ARHGEF40: variants seen among roughly 807,000 people sequenced by gnomAD.
The protein encoded by ARHGEF40 is Rho guanine nucleotide exchange factor (GEF) 40.
In ARHGEF40, 98 loss-of-function variants were observed where a neutral mutation model predicts 165.9. That is an observed-to-expected ratio of 0.59 (90% CI 0.50 to 0.70). ARHGEF40 has a LOEUF of 0.70. Among genes scored for constraint, ARHGEF40 ranks in the 30% least tolerant of loss-of-function variants. The pLI is 0.00. For missense variants in ARHGEF40, 1,815 were observed against 1,968.0 expected, an observed-to-expected ratio of 0.92 and a Z score of 1.47; for synonymous variants, 792 against 814.3, an observed-to-expected ratio of 0.97 and a Z score of 0.47.
chr14:21,088,786 C>T, intron 22 of ARHGEF40, 44 bp from the exon 23 acceptor site: 3 of 1,536,648 alleles, frequency 2.0e-6, no homozygotes, highest in Non-Finnish European at 1.8e-6. Flanking sequence ...GAGAGAAAGA[C>T]AAGAAATATG....
At chr14:21,083,795 T>C in intron 16 of ARHGEF40, 40 bp from the exon 17 acceptor site, 4 of 1,571,720 alleles carry the variant, frequency 2.5e-6, no homozygotes, top group Non-Finnish European at 1.7e-6. Flanking sequence ...CCCCAGAGGC[T>C]CCACCCCTCC....
At chr14:21,084,352 C>T (rs1888175815) in intron 17 of ARHGEF40, among the ~76,000 whole-genome samples, 3 of 152,192 alleles carry the variant, frequency 2.0e-5, no homozygotes, top group Admixed American at 2.0e-4. Context: ...ACCTCAACAC[C>T]CAACACATAC....
the ARHGEF40 span, among the ~76,000 whole-genome samples, chr14:21,062,708 A>AGTGTGTGTGTGTGT: frequency 0.065 from 8,471 of 130,874 alleles, 413 homozygotes; most frequent in Admixed American, 0.12. Context: ...GGCTGGGCAC[A>AGTGTGTGTGTGTGT]GTGTGTGTGT....
In ARHGEF40 at chr14:21,089,239, T is replaced by C. The variant is rs1032047287; in HGVS notation, c.*231T>C. 1 of 210,212 alleles carries C rather than the reference T, an allele frequency of 4.8e-6. No homozygotes were observed. The highest frequency in any genetic ancestry group is 2.3e-5 in the African/African-American group (1 of 43,688). 13.0% of individuals were successfully genotyped at this position (210,212 alleles called of 1,614,324 possible). A position where few individuals can be genotyped will look rare whatever the true frequency, so the allele number is the denominator to read the frequency against. On this transcript the variant is annotated 3_prime_UTR_variant, in exon 24 of 24. Coordinates refer to ENST00000298694, the MANE Select transcript of ARHGEF40 (RefSeq NM_018071.5). ...AGAGCAGCCACATTGCTTGCCTTCA[T>C]ACCCTGGAGGTGGGGAAGTTATCCC...
the ARHGEF40 span, among the ~76,000 whole-genome samples, chr14:21,062,011 A>G: frequency 2.0e-5 from 3 of 152,270 alleles, no homozygotes; most frequent in African/African-American, 4.8e-5. Context: ...GAGTTTCATT[A>G]ACTACTTACA....
Position 21,070,450 on chromosome 14 carries a change from G to A in ARHGEF40, c.3+51G>A, listed in dbSNP as rs915022358. 27 of 1,349,888 alleles carry A rather than the reference G, an allele frequency of 2.0e-5. No homozygotes were observed. The highest frequency in any genetic ancestry group is 1.9e-4 in the Admixed American group (5 of 26,056). The allele number at this position is 1,349,888 out of a possible 1,614,324, so 83.6% of individuals were successfully genotyped here. ...GGTCCCCTCGGCCTTCGCGCAGCCCGCTCCGGGCCCCCAAGTCCTCAGCCT... is the reference window on the plus strand; with the variant it reads ...GGTCCCCTCGGCCTTCGCGCAGCCCACTCCGGGCCCCCAAGTCCTCAGCCT... On this transcript the variant is annotated intron_variant, in intron 1 of 23. Transcript: ENST00000298694. The surrounding 1 kb of genome is among the most constrained non-coding windows in gnomAD (Gnocchi z 4.7).
chr14:21,062,256 A>G, the ARHGEF40 span, among the ~76,000 whole-genome samples: 1 of 152,246 alleles, frequency 6.6e-6, no homozygotes, highest in Non-Finnish European at 1.5e-5. Context: ...TTTCATCTGT[A>G]CTGCACAGTG....
chr14:21,080,819 G>A (rs1432423060), intron 12 of ARHGEF40, 37 bp downstream of exon 12: 1 of 1,603,568 alleles, frequency 6.2e-7, no homozygotes, highest in South Asian at 1.1e-5. Context: ...GAGGAGGCAG[G>A]GGGAGACTAC....
rs1179720399 is a variant in ARHGEF40, at chr14:21,072,165, A to G, written c.4-880A>G. On this transcript the variant is annotated intron_variant, in intron 1 of 23. Coordinates refer to ENST00000298694, the MANE Select transcript of ARHGEF40 (RefSeq NM_018071.5). The surrounding 1 kb of genome is among the most constrained non-coding windows in gnomAD (Gnocchi z 4.1). The stretch of plus-strand genomic sequence containing the variant: ...TGGTTGTTTAGGTTAGGAGTTGGAG[A>G]AAGACGTCTCATTGACTCACTTAGG... Among the ~76,000 whole-genome samples the G allele has an allele frequency of 2.0e-5, 3 of 152,192 alleles. No homozygotes were observed. Among genetic ancestry groups the G allele is most frequent in the African/African-American group, 7.2e-5 (3 of 41,434 alleles).
In ARHGEF40 at chr14:21,076,808, G is replaced by T; in HGVS notation, c.1952G>T (p.Arg651Ile). The T allele has an allele frequency of 6.2e-7, 1 of 1,614,096 alleles. No individual in the cohort carries two copies. ...GTGCTGTCAGAGAATGATCTGAAAA[G>T]AGTGGCCAAGCCAGAGGAGCTGCAG... Reference protein sequence around the residue: ...AEVLSENDLKRVAKPEELQWE... With the variant: ...AEVLSENDLKIVAKPEELQWE... The change falls in exon 8 of 24, where the codon AGA becomes ATA. Residue 651 changes from arginine to isoleucine, a missense_variant. Transcript: ENST00000298694.
chr14:21,085,006 C>T (rs1888229083), intron 18 of ARHGEF40, 83 bp downstream of exon 18: 1 of 1,519,938 alleles, frequency 6.6e-7, no homozygotes, highest in Non-Finnish European at 8.9e-7. Flanking sequence ...AATTCAGCCC[C>T]AACAGAGGTT....
At position 21,072,127 on chromosome 14, in the gene ARHGEF40, A is replaced by T. The variant is rs1426428674; in HGVS notation, c.4-918A>T. Among the ~76,000 whole-genome samples the T allele has an allele frequency of 2.0e-5, 3 of 152,210 alleles. No homozygotes were observed. The highest frequency in any genetic ancestry group is 7.2e-5 in the African/African-American group (3 of 41,454). On this transcript the variant is annotated intron_variant, in intron 1 of 23. Coordinates refer to ENST00000298694, the MANE Select transcript of ARHGEF40 (RefSeq NM_018071.5). The surrounding 1 kb of genome is among the most constrained non-coding windows in gnomAD (Gnocchi z 4.1). ...TCTTGAAAAAGAAGTTTGCAAAGGA[A>T]TAGCCCAAGGGGTGGTTGTTTAGGT...
rs773371777 is a variant in ARHGEF40 at position 21,080,833 on chromosome 14, G to A, written c.2497-40G>A. The A allele has an allele frequency of 1.7e-5, 28 of 1,608,688 alleles. No individual in the cohort carries two copies. The Admixed American group carries it at 3.2e-4, about 18-fold the overall frequency. The stretch of plus-strand genomic sequence containing the variant: ...AGAGGAGGCAGGGGGAGACTACCTA[G>A]GAGTGAGGACCAGGTCTGAGCGCAG... On this transcript the variant is annotated intron_variant, in intron 12 of 23. Transcript: ENST00000298694.
At chr14:21,063,684 G>T in the ARHGEF40 span, among the ~76,000 whole-genome samples, 1 of 152,192 alleles carries the variant, frequency 6.6e-6, no homozygotes, top group Non-Finnish European at 1.5e-5. Context: ...CTGCCAATGA[G>T]AGCTGAGGCC....
intron 11 of ARHGEF40, 127 bp from the exon 12 acceptor site, chr14:21,080,533 T>G: frequency 9.5e-7 from 1 of 1,057,224 alleles, no homozygotes; most frequent in Non-Finnish European, 1.3e-6. Flanking sequence ...CATTCCCACA[T>G]TGCAGATGAG....
At chr14:21,087,657 A>AATGGTGGAAAGTCAGGAAAG in intron 21 of ARHGEF40, 194 bp downstream of exon 21, 1 of 805,776 alleles carries the variant, frequency 1.2e-6, no homozygotes. Context: ...GTTGCTAAGA[A>AATGGTGGAAAGTCAGGAAAG]GCACTTCCTC....
rs546342688 is a variant in ARHGEF40, at chr14:21,073,671, T to C, written c.202-261T>C. Among the ~76,000 whole-genome samples the C allele has an allele frequency of 6.6e-6, 1 of 152,188 alleles. No homozygotes were observed. Among genetic ancestry groups the C allele is most frequent in the Non-Finnish European group, 1.5e-5 (1 of 68,026 alleles). On this transcript the variant is annotated intron_variant, in intron 2 of 23. Transcript: ENST00000298694. This position sits in a 1 kb window ranked among gnomAD's most constrained non-coding sequence, Gnocchi z 4.6. The stretch of plus-strand genomic sequence containing the variant: ...CCAAGACAATGGCATCTGCTGACCA[T>C]GTCTTGGTAACGATTCAGTTCTTAC...
intron 18 of ARHGEF40, 148 bp downstream of exon 18, chr14:21,085,071 G>A (rs1356165481): frequency 9.8e-7 from 1 of 1,025,414 alleles, no homozygotes; most frequent in Non-Finnish European, 1.4e-6. Flanking sequence ...ATCGAGTTAG[G>A]GTGTCAGGGG....
At chr14:21,080,304 C>T (rs1392351098) in intron 11 of ARHGEF40, among the ~76,000 whole-genome samples, 1 of 151,666 alleles carries the variant, frequency 6.6e-6, no homozygotes, top group East Asian at 1.9e-4. Context: ...TCACCAGTTG[C>T]CAAGGCTTGG....
Sources: gnomAD v4.1 joint callset for allele counts (sites outside exome capture counted in the v4.1 genomes callset) on GRCh38, gnomAD v4.1.1 for gene constraint, Gnocchi (gnomAD v3.1) non-coding constraint, MANE v1.5 for transcripts, NCBI Gene and HGNC (gene_info 2026-07-23, HGNC 2026-07-21) for gene names.